SHC4: variants seen among roughly 807,000 people sequenced by gnomAD.
The protein encoded by SHC4 is SHC-transforming protein 4.
SHC4 carries 41 observed loss-of-function variants against 69.4 expected under a neutral mutation model. That is an observed-to-expected ratio of 0.59 (90% CI 0.46 to 0.77). The LOEUF (loss-of-function observed/expected upper bound fraction) is 0.77. Among genes scored for constraint, SHC4 ranks in the 30% least tolerant of loss-of-function variants. The pLI is 0.00. For synonymous variants in SHC4, 318 were observed against 299.3 expected, an observed-to-expected ratio of 1.06 and a Z score of -0.64; for missense variants, 777 against 783.8, an observed-to-expected ratio of 0.99 and a Z score of 0.10.
At chr15:48,873,691 A>C (rs1373799918) in intron 4 of SHC4, among the ~76,000 whole-genome samples, 1 of 152,174 alleles carries the variant, frequency 6.6e-6, no homozygotes, top group Non-Finnish European at 1.5e-5. Flanking sequence ...CAGTGAGCTG[A>C]GATCATGCCA....
chr15:48,903,163 A>G (rs1204991029), intron 2 of SHC4, among the ~76,000 whole-genome samples: 1 of 152,218 alleles, frequency 6.6e-6, no homozygotes, highest in East Asian at 1.9e-4. Context: ...ACATATAATT[A>G]AAGGGACCAG....
intron 1 of SHC4, among the ~76,000 whole-genome samples, chr15:48,935,838 G>A (rs886495883): frequency 3.3e-5 from 5 of 152,184 alleles, no homozygotes; most frequent in South Asian, 4.1e-4. Context: ...AGTGGTCTTG[G>A]CAAAAACGGA....
intron 4 of SHC4, chr15:48,878,497 C>G (rs1410368947): frequency 3.7e-6 from 6 of 1,613,970 alleles, no homozygotes; most frequent in Non-Finnish European, 4.2e-6. Context: ...ACTGGGAGGA[C>G]GACTACGACT....
chr15:48,860,331 C>A (rs1389730423), intron 6 of SHC4, among the ~76,000 whole-genome samples: 1 of 151,550 alleles, frequency 6.6e-6, no homozygotes, highest in African/African-American at 2.4e-5. Flanking sequence ...ATGGTGAAAC[C>A]CCGTATCTAT....
chr15:48,835,053 C>G (rs371800121), intron 10 of SHC4, 31 bp from the exon 11 acceptor site: 4 of 1,580,814 alleles, frequency 2.5e-6, no homozygotes, highest in Non-Finnish European at 3.4e-6. Flanking sequence ...GAGACATCAT[C>G]GAGTTACCTC....
At chr15:48,861,445 A>G (rs1055940172) in intron 6 of SHC4, among the ~76,000 whole-genome samples, 5 of 152,206 alleles carry the variant, frequency 3.3e-5, no homozygotes, top group African/African-American at 1.2e-4. Context: ...ATGTTGCTCT[A>G]TGGAAATGGT....
chr15:48,873,259 G>A (rs527286733), intron 4 of SHC4, among the ~76,000 whole-genome samples: 29 of 152,290 alleles, frequency 1.9e-4, no homozygotes, highest in African/African-American at 7.0e-4. Context: ...TCAGAACAGT[G>A]GTTATTTCTG....
At chr15:48,877,657 A>C in intron 4 of SHC4, 1 of 712,208 alleles carries the variant, frequency 1.4e-6, no homozygotes, top group Non-Finnish European at 1.7e-6. Flanking sequence ...AAAAAGTACA[A>C]TATATCTGTT....
chr15:48,881,243 A>G (rs1899939579), intron 4 of SHC4, among the ~76,000 whole-genome samples: 1 of 152,148 alleles, frequency 6.6e-6, no homozygotes, highest in South Asian at 2.1e-4. Context: ...TTAAGAGACC[A>G]ACATCTCAGT....
intron 6 of SHC4, among the ~76,000 whole-genome samples, chr15:48,863,818 T>C (rs1899499740): frequency 1.3e-5 from 2 of 152,224 alleles, no homozygotes; most frequent in Non-Finnish European, 2.9e-5. Context: ...TGCCTTGCCA[T>C]GTTCTTTTGT....
intron 9 of SHC4, 80 bp from the exon 10 acceptor site, chr15:48,843,668 G>C (rs1192219115): frequency 1.0e-5 from 14 of 1,362,248 alleles, no homozygotes; most frequent in Non-Finnish European, 1.4e-5. Context: ...GTCTAGAATT[G>C]ATAGAAACCT....
intron 4 of SHC4, chr15:48,878,095 C>T: frequency 2.0e-6 from 3 of 1,499,078 alleles, no homozygotes; most frequent in Non-Finnish European, 1.8e-6. Flanking sequence ...AGCGCGCAGC[C>T]TTTGCGCACG....
chr15:48,962,318 T>C, intron 1 of SHC4, 113 bp downstream of exon 1: 1 of 1,110,680 alleles, frequency 9.0e-7, no homozygotes. Flanking sequence ...AGTTGAATCA[T>C]GTCCTGTCCA....
chr15:48,889,085 G>A (rs1356166311), intron 3 of SHC4, among the ~76,000 whole-genome samples: 1 of 152,182 alleles, frequency 6.6e-6, no homozygotes, highest in African/African-American at 2.4e-5. Context: ...TTTCCGGATA[G>A]ATGATAGCCA....
chr15:48,899,060 A>C (rs1011734045), intron 2 of SHC4, among the ~76,000 whole-genome samples: 1 of 151,972 alleles, frequency 6.6e-6, no homozygotes, highest in African/African-American at 2.4e-5. Flanking sequence ...AAAAAAAAAA[A>C]AACCGAAAAC....
At chr15:48,934,063 A>G (rs1332978066) in intron 1 of SHC4, among the ~76,000 whole-genome samples, 2 of 152,168 alleles carry the variant, frequency 1.3e-5, no homozygotes, top group African/African-American at 4.8e-5. Flanking sequence ...ACCAGCAACC[A>G]AAGGAAATAA....
intron 1 of SHC4, among the ~76,000 whole-genome samples, chr15:48,928,145 T>A (rs1208273289): frequency 7.0e-6 from 1 of 143,872 alleles, no homozygotes; most frequent in Non-Finnish European, 1.5e-5. Context: ...CACCCAGGAC[T>A]CAGCCTCAGG....
chr15:48,860,480 C>T (rs968915072), intron 6 of SHC4, among the ~76,000 whole-genome samples: 2 of 151,990 alleles, frequency 1.3e-5, no homozygotes, highest in Non-Finnish European at 2.9e-5. Flanking sequence ...GCACTCCAGT[C>T]TGGGCGACGA....
At chr15:48,916,681 C>T (rs183747189) in intron 2 of SHC4, among the ~76,000 whole-genome samples, 2 of 152,042 alleles carry the variant, frequency 1.3e-5, no homozygotes, top group East Asian at 1.9e-4. Context: ...GACCTCAAAA[C>T]GGAGCACTCA....
Sources: allele counts gnomAD v4.1 joint callset (sites outside exome capture counted in the v4.1 genomes callset), GRCh38; gene constraint gnomAD v4.1.1; transcripts MANE v1.5; gene names NCBI Gene and HGNC (gene_info 2026-07-23, HGNC 2026-07-21).